Variants in RALYL observed in about 807,000 individuals in gnomAD.
RALYL encodes the protein RALY RNA binding protein like.
RALYL carries 29 observed loss-of-function variants against 35.1 expected under a neutral mutation model. The observed-to-expected ratio is 0.83, with a 90% CI of 0.61 to 1.13. The LOEUF is 1.13. RALYL is among the 50% of genes most tolerant of loss of function. The pLI is 0.00. For synonymous variants in RALYL, 120 were observed against 127.6 expected (o/e 0.94, Z 0.40); for missense variants, 359 against 360.4 (o/e 1.00, Z 0.03).
At chr8:84,767,717 A>G (rs752850833) in intron 2 of RALYL, among the ~76,000 whole-genome samples, 1 of 152,172 alleles carries the variant, frequency 6.6e-6, no homozygotes, top group South Asian at 2.1e-4. Context: ...CTCCACGCAG[A>G]TGTGATGTGT....
chr8:84,401,723 G>A (rs1298657184), intron 1 of RALYL, among the ~76,000 whole-genome samples: 1 of 146,464 alleles, frequency 6.8e-6, no homozygotes, highest in African/African-American at 2.5e-5. Flanking sequence ...ACATCATGCA[G>A]TACATCAGAG....
intron 1 of RALYL, among the ~76,000 whole-genome samples, chr8:84,423,353 C>G (rs1209113409): frequency 6.7e-6 from 1 of 148,670 alleles, no homozygotes; most frequent in African/African-American, 2.5e-5. Flanking sequence ...TCTGTTTTAT[C>G]AGAGACTAGG....
At chr8:84,337,139 G>A (rs1272853577) in intron 1 of RALYL, among the ~76,000 whole-genome samples, 9 of 151,466 alleles carry the variant, frequency 5.9e-5, no homozygotes, top group African/African-American at 2.2e-4. Context: ...CTACATCACA[G>A]CATTACAATG....
intron 1 of RALYL, among the ~76,000 whole-genome samples, chr8:84,399,867 G>C: frequency 6.6e-6 from 1 of 152,196 alleles, no homozygotes. Context: ...CTTGGGGGCC[G>C]GGTGTGGTGG....
At chr8:84,401,112 G>C (rs917129088) in intron 1 of RALYL, among the ~76,000 whole-genome samples, 1 of 152,108 alleles carries the variant, frequency 6.6e-6, no homozygotes, top group African/African-American at 2.4e-5. Flanking sequence ...AAATCACTGA[G>C]ACTGATTAAT....
intron 1 of RALYL, among the ~76,000 whole-genome samples, chr8:84,478,963 A>G (rs1377963402): frequency 6.8e-6 from 1 of 146,680 alleles, no homozygotes. Flanking sequence ...GCGGGCGCCT[A>G]TAGTCCCAGC....
At chr8:84,659,062 G>A (rs2029358) in intron 2 of RALYL, among the ~76,000 whole-genome samples, 11,632 of 152,168 alleles carry the variant, frequency 0.076, 1,118 homozygotes, top group African/African-American at 0.22. Context: ...GTTTCAGGCT[G>A]TATAGGCATA....
At chr8:84,398,582 A>C (rs1046590940) in intron 1 of RALYL, among the ~76,000 whole-genome samples, 4 of 152,128 alleles carry the variant, frequency 2.6e-5, no homozygotes, top group Admixed American at 2.0e-4. Flanking sequence ...CACTTAGCTC[A>C]TGGAGTCACA....
chr8:84,552,645 C>T (rs1002452939), intron 2 of RALYL, among the ~76,000 whole-genome samples: 3 of 151,766 alleles, frequency 2.0e-5, no homozygotes, highest in Non-Finnish European at 4.4e-5. Context: ...GTCTTAGACT[C>T]CTTGCTGTTG....
At chr8:84,606,371 C>T (rs1285459818) in intron 2 of RALYL, among the ~76,000 whole-genome samples, 2 of 152,124 alleles carry the variant, frequency 1.3e-5, no homozygotes, top group Non-Finnish European at 2.9e-5. Context: ...TGACCTTGAG[C>T]TTGTAAATAA....
chr8:84,722,229 A>G (rs1844056604), intron 2 of RALYL, among the ~76,000 whole-genome samples: 1 of 152,112 alleles, frequency 6.6e-6, no homozygotes, highest in Admixed American at 6.6e-5. Context: ...AGTATAATTG[A>G]GATTTCCAAA....
intron 3 of RALYL, among the ~76,000 whole-genome samples, chr8:84,778,773 T>G (rs1054000485): frequency 1.3e-5 from 2 of 152,188 alleles, no homozygotes; most frequent in Non-Finnish European, 2.9e-5. Context: ...CACTTAAACA[T>G]GGTGACTGAT....
At chr8:84,300,403 A>C (rs1419294799) in intron 1 of RALYL, among the ~76,000 whole-genome samples, 1 of 151,944 alleles carries the variant, frequency 6.6e-6, no homozygotes, top group Non-Finnish European at 1.5e-5. Context: ...AATAATAGGA[A>C]TGTATATTTT....
At chr8:84,835,313 T>C (rs2134452373) in intron 4 of RALYL, among the ~76,000 whole-genome samples, 1 of 152,216 alleles carries the variant, frequency 6.6e-6, no homozygotes, top group South Asian at 2.1e-4. Flanking sequence ...AAGTGGAATT[T>C]AGTCTAATTC....
chr8:84,844,319 G>T (rs1488418440), intron 4 of RALYL, among the ~76,000 whole-genome samples: 1 of 152,176 alleles, frequency 6.6e-6, no homozygotes, highest in Non-Finnish European at 1.5e-5. Context: ...GACCTGAACA[G>T]ACACTTCTCA....
intron 2 of RALYL, among the ~76,000 whole-genome samples, chr8:84,742,494 T>G (rs1807615100): frequency 6.6e-6 from 1 of 151,932 alleles, no homozygotes. Flanking sequence ...GTTAACTATA[T>G]GCCAAAAAGG....
intron 2 of RALYL, among the ~76,000 whole-genome samples, chr8:84,564,408 T>C (rs2061648809): frequency 6.6e-6 from 1 of 151,692 alleles, no homozygotes; most frequent in Non-Finnish European, 1.5e-5. Flanking sequence ...GGACTAAGCT[T>C]CACCCTGCAT....
chr8:84,571,880 T>G (rs191477462), intron 2 of RALYL, among the ~76,000 whole-genome samples: 8 of 152,010 alleles, frequency 5.3e-5, no homozygotes, highest in East Asian at 1.9e-4. Flanking sequence ...CAAAAGCCAT[T>G]CAGGAGGAAA....
intron 1 of RALYL, chr8:84,346,092 A>T: frequency 1.0e-6 from 1 of 984,104 alleles, no homozygotes; most frequent in Non-Finnish European, 1.2e-6. Context: ...CACATGAGCA[A>T]TTGCTCTATT....
Sources: allele counts gnomAD v4.1 joint callset (sites outside exome capture counted in the v4.1 genomes callset), GRCh38; gene constraint gnomAD v4.1.1; transcripts MANE v1.5; gene names NCBI Gene and HGNC (gene_info 2026-07-23, HGNC 2026-07-21).